The following ATXN10 variants were observed in gnomAD, a reference collection of about 807,000 sequenced individuals.
ATXN10 encodes the protein ataxin 10, also known as ataxin-10.
A neutral mutation model predicts 52.9 loss-of-function variants in ATXN10; 28 were observed. The ratio of observed to expected loss-of-function variants is 0.53; its 90% CI spans 0.39 to 0.73. The LOEUF (loss-of-function observed/expected upper bound fraction) is 0.73, where lower values mean the gene tolerates loss of function less well. Ranked by LOEUF, ATXN10 falls within the 30% of genes least tolerant of loss-of-function variation. The pLI, the probability that ATXN10 is intolerant of heterozygous loss-of-function variation, is 0.00. For synonymous variants in ATXN10, 226 were observed against 221.5 expected, an observed-to-expected ratio of 1.02 and a Z score of -0.18; for missense variants, 565 against 577.0, an observed-to-expected ratio of 0.98 and a Z score of 0.21.
intron 1 of ATXN10, chr22:45,673,801 A>G (rs1369573509): frequency 6.6e-6 from 1 of 152,118 alleles, no homozygotes; most frequent in Non-Finnish European, 1.5e-5. Flanking sequence ...AGATGAGAGG[A>G]CTAGAGGGAA....
In ATXN10 at chr22:45,823,830, C is replaced by G. The variant is rs920502600; in HGVS notation, c.1237+16808C>G. Among the ~76,000 whole-genome samples the G allele has an allele frequency of 3.9e-5, 6 of 152,104 alleles. No individual in the cohort carries two copies. The highest frequency in any genetic ancestry group is 2.0e-4 in the Admixed American group (3 of 15,280). ...ATCAAAAAAGAGACACTGTGTGCTCCCATGAAGGTTTCAGTATGGTAGGTG... is the reference window on the plus strand; with the variant it reads ...ATCAAAAAAGAGACACTGTGTGCTCGCATGAAGGTTTCAGTATGGTAGGTG... On this transcript the variant is annotated intron_variant, in intron 10 of 11. Transcript: ENST00000252934. The surrounding 1 kb of genome is among the most constrained non-coding windows in gnomAD (Gnocchi z 4.9).
Position 45,832,876 on chromosome 22 carries a change from C to T in ATXN10, c.1238-10115C>T, listed in dbSNP as rs146298459. On this transcript the variant is annotated intron_variant, in intron 10 of 11. Transcript: ENST00000252934. ...TTCAGAAATTTTTTAGAGAGATACG[C>T]GTCAAGGGAGAGTTTTAGAACTAAG... Among the ~76,000 whole-genome samples the T allele has an allele frequency of 3.3e-4, 50 of 152,268 alleles. No homozygotes were observed. The East Asian group carries it at 8.3e-3, about 25-fold the overall frequency.
At chr22:45,804,663 G>T (rs537354202) in intron 9 of ATXN10, among the ~76,000 whole-genome samples, 2 of 152,266 alleles carry the variant, frequency 1.3e-5, no homozygotes, top group Admixed American at 6.5e-5. Flanking sequence ...ATTCTGAAAA[G>T]AACTTTATTT....
intron 10 of ATXN10, 105 bp downstream of exon 10, chr22:45,807,127 T>G (rs1239151155): frequency 1.1e-6 from 1 of 913,184 alleles, no homozygotes; most frequent in Non-Finnish European, 1.8e-6. Flanking sequence ...CTGCCTTGCT[T>G]GCTTGTTTAC....
intron 5 of ATXN10, among the ~76,000 whole-genome samples, chr22:45,710,010 C>G (rs1267582424): frequency 6.6e-6 from 1 of 152,196 alleles, no homozygotes; most frequent in Non-Finnish European, 1.5e-5. Flanking sequence ...TCTTTCATTG[C>G]TACTGCCAGA....
intron 10 of ATXN10, among the ~76,000 whole-genome samples, chr22:45,810,314 T>G (rs1043105436): frequency 2.0e-5 from 3 of 152,252 alleles, no homozygotes; most frequent in South Asian, 2.1e-4. Flanking sequence ...ACTATAGCTT[T>G]CCAATATGTC....
rs1024697686 is a variant in ATXN10 at position 45,824,755 on chromosome 22, A to C, written c.1237+17733A>C. ...TCTATGGACCGAGGTGATGTGATCT[A>C]GCTTTTTCTGTGATACCCAGAATCT... On this transcript the variant is annotated intron_variant, in intron 10 of 11. Transcript: ENST00000252934. The surrounding 1 kb of genome is among the most constrained non-coding windows in gnomAD (Gnocchi z 5.2). Among the ~76,000 whole-genome samples the C allele has an allele frequency of 6.6e-6, 1 of 152,204 alleles. No individual in the cohort carries two copies. The highest frequency in any genetic ancestry group is 6.5e-5 in the Admixed American group (1 of 15,284).
At position 45,763,555 on chromosome 22, in the gene ATXN10, C is replaced by T. The variant is rs922501296; in HGVS notation, c.1173+23017C>T. On this transcript the variant is annotated intron_variant, in intron 9 of 11. Transcript: ENST00000252934. This position sits in a 1 kb window ranked among gnomAD's most constrained non-coding sequence, Gnocchi z 6.9. The stretch of plus-strand genomic sequence containing the variant: ...ATCTCCTCACAGGTCTTTCCTGCCC[C>T]CTACCTGTTAAAAGTCGGACCCCAC... 6.6e-6 allele frequency among the ~76,000 whole-genome samples: 1 copy of T among 152,168 alleles called. No individual in the cohort carries two copies. The highest frequency in any genetic ancestry group is 2.4e-5 in the African/African-American group (1 of 41,438).
chr22:45,729,823 A>T (rs148362894), intron 7 of ATXN10: 1 of 562,252 alleles, frequency 1.8e-6, no homozygotes, highest in Non-Finnish European at 3.3e-6. Context: ...GACAGATGAC[A>T]TCAGATACAT....
intron 10 of ATXN10, among the ~76,000 whole-genome samples, chr22:45,821,731 A>G (rs1284589328): frequency 2.0e-5 from 3 of 152,154 alleles, no homozygotes; most frequent in East Asian, 3.8e-4. Flanking sequence ...TGTCTACCTG[A>G]TGCAACCTGT....
rs144778582 is a variant in ATXN10, at chr22:45,747,978, C to A, written c.1173+7440C>A. On this transcript the variant is annotated intron_variant, in intron 9 of 11. Coordinates refer to ENST00000252934, the MANE Select transcript of ATXN10 (RefSeq NM_013236.4). ...CTTGGTGGGGCCAAGGCAGGAGGAT[C>A]GCTTGAGCCCAGGAGTTTGAGACCA... is the stretch of plus-strand genomic sequence containing the variant. 4.6e-5 allele frequency among the ~76,000 whole-genome samples: 7 copies of A among 151,500 alleles called. No individual in the cohort carries two copies. The East Asian group carries it at 1.4e-3, about 30-fold the overall frequency.
intron 10 of ATXN10, among the ~76,000 whole-genome samples, chr22:45,830,856 T>A (rs1362132943): frequency 6.6e-6 from 1 of 152,208 alleles, no homozygotes; most frequent in African/African-American, 2.4e-5. Context: ...GCAATTCCAC[T>A]TCTGGGTATA....
chr22:45,716,848 AAAAG>A (rs1294447527), intron 5 of ATXN10, among the ~76,000 whole-genome samples: 1 of 152,210 alleles, frequency 6.6e-6, no homozygotes, highest in Non-Finnish European at 1.5e-5. Context: ...TGATCAAGAA[AAAAG>A]AAAGAGAGCA....
chr22:45,827,269 G>A (rs1269533142), intron 10 of ATXN10, among the ~76,000 whole-genome samples: 1 of 151,902 alleles, frequency 6.6e-6, no homozygotes, highest in Non-Finnish European at 1.5e-5. Flanking sequence ...TAAGTTATAA[G>A]ACATATGGGA....
intron 7 of ATXN10, among the ~76,000 whole-genome samples, chr22:45,736,195 A>G (rs1925289154): frequency 1.3e-5 from 2 of 152,126 alleles, no homozygotes; most frequent in South Asian, 4.1e-4. Flanking sequence ...CTTATACTCC[A>G]TATGCCATCC....
chr22:45,774,026 A>G lies in ATXN10; in HGVS notation c.1174-32933A>G, dbSNP rs1771855914. Among the ~76,000 whole-genome samples the G allele has an allele frequency of 6.6e-6, 1 of 152,216 alleles. No individual in the cohort carries two copies. Among genetic ancestry groups the G allele is most frequent in the African/African-American group, 2.4e-5 (1 of 41,446 alleles). ...GTAGAAACAAATTGTAAGAAACATG[A>G]AGCCATCAAAACAGCCCCTCTTCAG... is the stretch of plus-strand genomic sequence containing the variant. On this transcript the variant is annotated intron_variant, in intron 9 of 11. Coordinates refer to ENST00000252934, the MANE Select transcript of ATXN10 (RefSeq NM_013236.4). This position sits in a 1 kb window ranked among gnomAD's most constrained non-coding sequence, Gnocchi z 6.2.
rs72556350 is a variant in ATXN10 at position 45,795,795 on chromosome 22, C to T, written c.1174-11164C>T. ...GGACATTTATCACTTCCCTAATCAA[C>T]ACTCTTATAATTTCCTATGCCTGTC... On this transcript the variant is annotated intron_variant, in intron 9 of 11. Transcript: ENST00000252934. This position sits in a 1 kb window ranked among gnomAD's most constrained non-coding sequence, Gnocchi z 4.6. 0.023 allele frequency among the ~76,000 whole-genome samples: 3,565 copies of T among 152,306 alleles called. 98 individuals are homozygous for T. Among genetic ancestry groups the T allele is most frequent in the African/African-American group, 0.061 (2,546 of 41,564 alleles).
intron 9 of ATXN10, among the ~76,000 whole-genome samples, chr22:45,797,107 A>G (rs1927769360): frequency 6.6e-6 from 1 of 152,238 alleles, no homozygotes; most frequent in Admixed American, 6.5e-5. Context: ...TGAAAGAAAA[A>G]ATCGATCTGC....
intron 9 of ATXN10, among the ~76,000 whole-genome samples, chr22:45,751,740 G>GGAAAAAAAAAAAAAAAA (rs1555892667): frequency 2.2e-5 from 1 of 45,500 alleles, no homozygotes; most frequent in Non-Finnish European, 3.7e-5. Flanking sequence ...CCTTTTTCTG[G>GGAAAAAAAAAAAAAAAA]AAAAAAAAAA....
Sources: allele counts gnomAD v4.1 joint callset (sites outside exome capture counted in the v4.1 genomes callset), GRCh38; gene constraint gnomAD v4.1.1; non-coding constraint Gnocchi (gnomAD v3.1); transcripts MANE v1.5; gene names NCBI Gene and HGNC (gene_info 2026-07-23, HGNC 2026-07-21).